RIMS2: variants seen among roughly 807,000 people sequenced by gnomAD.
RIMS2 encodes regulating synaptic membrane exocytosis protein 2.
RIMS2 carries 59 observed loss-of-function variants against 174.4 expected under a neutral mutation model. The ratio of observed to expected loss-of-function variants is 0.34; its 90% confidence interval spans 0.27 to 0.42. The LOEUF is 0.42. RIMS2 is among the 10% of genes least tolerant of loss of function. RIMS2 has a pLI of 1.00. For synonymous variants in RIMS2, 606 were observed against 572.5 expected, an observed-to-expected ratio of 1.06 and a Z score of -0.84; for missense variants, 1,620 against 1,666.3, an observed-to-expected ratio of 0.97 and a Z score of 0.48.
At chr8:104,101,043 T>C (rs1034082220) in intron 19 of RIMS2, among the ~76,000 whole-genome samples, 4 of 143,514 alleles carry the variant, frequency 2.8e-5, no homozygotes, top group African/African-American at 5.1e-5. Context: ...TATATTATAT[T>C]ATATATTACA....
intron 17 of RIMS2, among the ~76,000 whole-genome samples, chr8:104,002,660 A>G (rs568354961): frequency 2.0e-4 from 30 of 152,272 alleles, no homozygotes; most frequent in African/African-American, 7.2e-4. Flanking sequence ...TAGTTTGGCT[A>G]TATGATATCT....
intron 3 of RIMS2, among the ~76,000 whole-genome samples, chr8:103,785,107 G>C (rs2098429636): frequency 7.0e-6 from 1 of 142,154 alleles, no homozygotes; most frequent in Admixed American, 7.1e-5. Flanking sequence ...TGTGATTTTT[G>C]TACATTGATT....
intron 19 of RIMS2, among the ~76,000 whole-genome samples, chr8:104,189,169 A>G (rs1439624361): frequency 6.6e-6 from 1 of 152,028 alleles, no homozygotes; most frequent in African/African-American, 2.4e-5. Flanking sequence ...ATCCTGCAAG[A>G]TGGATATTTC....
At chr8:104,078,074 G>A (rs1306067868) in intron 19 of RIMS2, among the ~76,000 whole-genome samples, 1 of 151,464 alleles carries the variant, frequency 6.6e-6, no homozygotes, top group Non-Finnish European at 1.5e-5. Flanking sequence ...AACCCGGGAG[G>A]CAGAGGTTGC....
At chr8:104,167,472 T>C (rs1177746074) in intron 19 of RIMS2, among the ~76,000 whole-genome samples, 1 of 152,202 alleles carries the variant, frequency 6.6e-6, no homozygotes, top group Non-Finnish European at 1.5e-5. Flanking sequence ...TATTTGTATA[T>C]CCTTTTTTGA....
At chr8:104,163,545 T>C (rs1205597461) in intron 19 of RIMS2, among the ~76,000 whole-genome samples, 3 of 152,198 alleles carry the variant, frequency 2.0e-5, no homozygotes, top group African/African-American at 4.8e-5. Context: ...AAATGACCTT[T>C]TGATTTAAAA....
chr8:103,557,050 T>G (rs562871713), intron 1 of RIMS2, among the ~76,000 whole-genome samples: 1 of 152,270 alleles, frequency 6.6e-6, no homozygotes, highest in South Asian at 2.1e-4. Flanking sequence ...GGATCAGTGG[T>G]TTAGGAAATA....
At chr8:104,234,994 A>G (rs956617434) in intron 19 of RIMS2, among the ~76,000 whole-genome samples, 2 of 152,128 alleles carry the variant, frequency 1.3e-5, no homozygotes, top group Admixed American at 1.3e-4. Context: ...TGAAATGCAT[A>G]TGTATATTGT....
intron 13 of RIMS2, among the ~76,000 whole-genome samples, chr8:103,941,748 G>C (rs930364000): frequency 6.6e-6 from 1 of 151,306 alleles, no homozygotes; most frequent in Non-Finnish European, 1.5e-5. Flanking sequence ...TTCTTTTCTT[G>C]TTTTAAATCT....
chr8:103,578,512 C>T (rs1023746412), intron 1 of RIMS2, among the ~76,000 whole-genome samples: 1 of 152,058 alleles, frequency 6.6e-6, no homozygotes. Context: ...GCCTGGGTGA[C>T]AGAGTGAGCT....
chr8:104,096,142 G>GCTTT, intron 19 of RIMS2, among the ~76,000 whole-genome samples: 1 of 151,966 alleles, frequency 6.6e-6, no homozygotes, highest in South Asian at 2.1e-4. Context: ...ACAGAGAAAA[G>GCTTT]CTTTCCAAGG....
At chr8:103,547,022 A>G (rs1265612593) in intron 1 of RIMS2, among the ~76,000 whole-genome samples, 4 of 152,206 alleles carry the variant, frequency 2.6e-5, no homozygotes, top group Non-Finnish European at 5.9e-5. Context: ...TTAGGCTTGA[A>G]GTAAACTCCC....
At chr8:104,217,097 T>C (rs1015721221) in intron 19 of RIMS2, among the ~76,000 whole-genome samples, 2 of 152,154 alleles carry the variant, frequency 1.3e-5, no homozygotes, top group Admixed American at 6.5e-5. Context: ...TTTTGATCTT[T>C]AGAGTTTTTT....
chr8:103,642,973 T>C (rs1339294882), intron 1 of RIMS2, among the ~76,000 whole-genome samples: 1 of 151,984 alleles, frequency 6.6e-6, no homozygotes, highest in Non-Finnish European at 1.5e-5. Flanking sequence ...TTAGAAAATT[T>C]TCAGTTGTTA....
chr8:103,849,738 C>T (rs554980426), intron 3 of RIMS2, among the ~76,000 whole-genome samples: 62 of 151,878 alleles, frequency 4.1e-4, no homozygotes, highest in African/African-American at 1.4e-3. Flanking sequence ...ATAGCAGCTG[C>T]GGGAGGGATT....
intron 19 of RIMS2, among the ~76,000 whole-genome samples, chr8:104,037,285 C>T (rs1187633769): frequency 3.3e-5 from 5 of 152,126 alleles, no homozygotes; most frequent in African/African-American, 1.2e-4. Context: ...GACTCTGTGA[C>T]CTTTAATGAG....
intron 19 of RIMS2, among the ~76,000 whole-genome samples, chr8:104,126,104 A>G (rs558882849): frequency 1.3e-5 from 2 of 152,114 alleles, no homozygotes; most frequent in South Asian, 4.1e-4. Flanking sequence ...AGCACCAGGG[A>G]CCAGTTTCAT....
chr8:103,609,915 T>C (rs1186239018), intron 1 of RIMS2, among the ~76,000 whole-genome samples: 3 of 152,364 alleles, frequency 2.0e-5, no homozygotes, highest in Non-Finnish European at 4.4e-5. Context: ...TGTAAATTGC[T>C]TTGGACAGTA....
rs910633224 is a variant in RIMS2, at chr8:103,894,826, G to T, written c.1624+8603G>T. 9.9e-5 allele frequency among the ~76,000 whole-genome samples: 15 copies of T among 151,280 alleles called. 1 individual carries two copies. The highest frequency in any genetic ancestry group is 3.2e-4 in the African/African-American group (13 of 40,872). On this transcript the variant is annotated intron_variant, in intron 4 of 23. Coordinates refer to ENST00000504942, the Ensembl canonical transcript of RIMS2. ...ATAATAGCTTCAATTTTGCTCTTTTGCTTCTAAAATATTTGCTATCTGGCT... is the reference window on the plus strand; with the variant it reads ...ATAATAGCTTCAATTTTGCTCTTTTTCTTCTAAAATATTTGCTATCTGGCT...
Sources: gnomAD v4.1 joint callset for allele counts (sites outside exome capture counted in the v4.1 genomes callset) on GRCh38, gnomAD v4.1.1 for gene constraint, MANE v1.5 for transcripts, NCBI Gene and HGNC (gene_info 2026-07-23, HGNC 2026-07-21) for gene names.